Variants in STRADB observed in about 807,000 individuals in gnomAD.
STRADB encodes the protein STE20 related adaptor beta, also known as STE20-related kinase adapter protein beta.
STRADB carries 34 observed loss-of-function variants against 52.1 expected under a neutral mutation model. That is an observed-to-expected ratio of 0.65 (90% confidence interval 0.50 to 0.87). The LOEUF (loss-of-function observed/expected upper bound fraction) is 0.87, where lower values mean the gene tolerates loss of function less well. STRADB is among the 40% of genes least tolerant of loss of function. The pLI is 0.00. For synonymous variants in STRADB, 133 were observed against 174.5 expected (o/e 0.76, Z 1.87); for missense variants, 340 against 483.9 (o/e 0.70, Z 2.79).
rs768210662 is a variant in STRADB at position 201,480,177 on chromosome 2, G to T, written c.*2G>T. The T allele has an allele frequency of 1.9e-6, 3 of 1,613,398 alleles. No individual in the cohort carries two copies. Among genetic ancestry groups the T allele is most frequent in the African/African-American group, 2.7e-5 (2 of 74,898 alleles). Reference sequence around the variant, plus strand: ...AAAGACTCATACTGGGAATTCTAGGGCTGCCAAATCATTTTATGTCCTATA... The same window carrying T: ...AAAGACTCATACTGGGAATTCTAGGTCTGCCAAATCATTTTATGTCCTATA... On this transcript the variant is annotated 3_prime_UTR_variant, in exon 12 of 12. Coordinates refer to ENST00000194530, the MANE Select transcript of STRADB (RefSeq NM_018571.6).
intron 7 of STRADB, 151 bp from the exon 8 acceptor site, chr2:201,477,468 C>A: frequency 1.5e-6 from 1 of 652,274 alleles, no homozygotes; most frequent in Non-Finnish European, 2.6e-6. Context: ...GTGTAAACAG[C>A]AGTTTTGCAG....
chr2:201,463,073 C>T (rs1401661525), intron 3 of STRADB, among the ~76,000 whole-genome samples: 1 of 152,198 alleles, frequency 6.6e-6, no homozygotes, highest in Non-Finnish European at 1.5e-5. Context: ...TTTGGTGGCT[C>T]ACACCTGTAA....
chr2:201,477,641 C>T lies in STRADB; in HGVS notation c.571C>T (p.Leu191Phe). Residue 191 changes from leucine (L) to phenylalanine (F), a missense_variant, in exon 8 of 12, where the codon CTC becomes TTC. Coordinates refer to ENST00000194530, the MANE Select transcript of STRADB (RefSeq NM_018571.6). The stretch of plus-strand genomic sequence containing the variant: ...TAGGAGTATTAAAGCCAGCCATATC[C>T]TCATTTCTGGTGATGGCCTAGTGAC... ...IHRSIKASHILISGDGLVTLS... is the reference protein window; with the variant it reads ...IHRSIKASHIFISGDGLVTLS... 6.2e-7 allele frequency: 1 copy of T among 1,607,846 alleles called. No individual in the cohort carries two copies. Among genetic ancestry groups the T allele is most frequent in the East Asian group, 2.2e-5 (1 of 44,668 alleles).
At chr2:201,467,550 T>G (rs1341536532) in intron 3 of STRADB, among the ~76,000 whole-genome samples, 1 of 152,254 alleles carries the variant, frequency 6.6e-6, no homozygotes, top group Non-Finnish European at 1.5e-5. Context: ...CTTCTATCTG[T>G]TGATCTCAGC....
chr2:201,459,386 AG>A (rs1217265815), intron 3 of STRADB, among the ~76,000 whole-genome samples: 1 of 152,216 alleles, frequency 6.6e-6, no homozygotes, highest in Admixed American at 6.5e-5. Flanking sequence ...ATCTCTACTC[AG>A]TTTGAATAAA....
chr2:201,458,023 CAA>C (rs528442329), intron 2 of STRADB, among the ~76,000 whole-genome samples: 1 of 140,054 alleles, frequency 7.1e-6, no homozygotes. Flanking sequence ...GACTCCGTCT[CAA>C]AAAAAAAAAG....
At chr2:201,475,850 T>G in intron 7 of STRADB, 108 bp downstream of exon 7, 2 of 1,249,090 alleles carry the variant, frequency 1.6e-6, no homozygotes, top group Non-Finnish European at 2.2e-6. Context: ...GATAGGAAAC[T>G]TGTAAGTGAA....
chr2:201,463,220 C>G lies in STRADB; in HGVS notation c.93+4356C>G, dbSNP rs191671180. The stretch of plus-strand genomic sequence containing the variant: ...GGCGTGGTGGCACACGCCTGTAATC[C>G]CGCCTACTTGGGAGGCTGAGGCAGA... On this transcript the variant is annotated intron_variant, in intron 3 of 11. Transcript: ENST00000194530. Among the ~76,000 whole-genome samples, 5 of 151,894 alleles carry G rather than the reference C, an allele frequency of 3.3e-5. No homozygotes were observed. In the East Asian group the frequency reaches 9.7e-4, roughly 29 times the overall value.
chr2:201,477,530 GA>G, intron 7 of STRADB, 88 bp from the exon 8 acceptor site: 2 of 1,322,840 alleles, frequency 1.5e-6, no homozygotes. Flanking sequence ...TAATTTCCAA[GA>G]GAATATATGG....
chr2:201,475,757 G>C lies in STRADB; in HGVS notation c.548+15G>C, dbSNP rs1378840063. The C allele has an allele frequency of 6.4e-7, 1 of 1,574,372 alleles. No individual in the cohort carries two copies. Among genetic ancestry groups the C allele is most frequent in the Non-Finnish European group, 8.6e-7 (1 of 1,165,534 alleles). ...TGTATTCACAGGTATTTACTTATTTGTATTTATTAAATGAAATAATTTTAA... is the reference window on the plus strand; with the variant it reads ...TGTATTCACAGGTATTTACTTATTTCTATTTATTAAATGAAATAATTTTAA... On this transcript the variant is annotated intron_variant, in intron 7 of 11. Coordinates refer to ENST00000194530, the MANE Select transcript of STRADB (RefSeq NM_018571.6).
At chr2:201,476,832 A>T (rs1480270584) in intron 7 of STRADB, among the ~76,000 whole-genome samples, 3 of 150,070 alleles carry the variant, frequency 2.0e-5, no homozygotes, top group Admixed American at 6.6e-5. Flanking sequence ...AAAAAAAAAA[A>T]TTAGCCAGGT....
chr2:201,455,167 GA>G (rs1559461100), intron 2 of STRADB, among the ~76,000 whole-genome samples: 1 of 152,094 alleles, frequency 6.6e-6, no homozygotes, highest in Non-Finnish European at 1.5e-5. Context: ...AAATCTTTCA[GA>G]AATTCCTTTT....
chr2:201,478,027 T>G, intron 8 of STRADB, 60 bp from the exon 9 acceptor site: 1 of 1,424,198 alleles, frequency 7.0e-7, no homozygotes, highest in African/African-American at 1.4e-5. Context: ...AAAGCACATG[T>G]GTATAACTTT....
intron 3 of STRADB, among the ~76,000 whole-genome samples, chr2:201,462,658 G>T (rs567764001): frequency 6.6e-6 from 1 of 152,174 alleles, no homozygotes; most frequent in Non-Finnish European, 1.5e-5. Flanking sequence ...CAGGCGAAGA[G>T]AACTAATAAA....
chr2:201,459,752 C>T (rs866588947), intron 3 of STRADB, among the ~76,000 whole-genome samples: 2 of 152,294 alleles, frequency 1.3e-5, no homozygotes, highest in Non-Finnish European at 2.9e-5. Context: ...TTGAAACTTC[C>T]ATTGGCTTCC....
chr2:201,458,147 C>A (rs771899582), intron 2 of STRADB, among the ~76,000 whole-genome samples: 11 of 152,170 alleles, frequency 7.2e-5, no homozygotes, highest in Non-Finnish European at 1.5e-4. Flanking sequence ...GTCAGCTTCA[C>A]CCCACTGATT....
intron 6 of STRADB, 66 bp downstream of exon 6, chr2:201,474,821 AT>A: frequency 8.1e-7 from 1 of 1,238,060 alleles, no homozygotes; most frequent in Non-Finnish European, 1.1e-6. Context: ...ATGAGTTGGG[AT>A]TTTAGATTTA....
intron 3 of STRADB, chr2:201,460,728 G>A: frequency 3.7e-6 from 1 of 271,570 alleles, no homozygotes; most frequent in Non-Finnish European, 8.0e-6. Context: ...GTATTCCATT[G>A]TACATATGTA....
At chr2:201,467,414 G>A (rs1035617585) in intron 3 of STRADB, among the ~76,000 whole-genome samples, 4 of 152,140 alleles carry the variant, frequency 2.6e-5, no homozygotes, top group Non-Finnish European at 2.9e-5. Flanking sequence ...AATGGTGGTC[G>A]TCCAACCTCC....
Sources: allele counts gnomAD v4.1 joint callset (sites outside exome capture counted in the v4.1 genomes callset), GRCh38; gene constraint gnomAD v4.1.1; transcripts MANE v1.5; gene names NCBI Gene and HGNC (gene_info 2026-07-23, HGNC 2026-07-21).